Variants in APP observed in about 807,000 individuals in gnomAD.
The protein encoded by APP is amyloid-beta precursor protein.
Under a neutral mutation model 101.4 loss-of-function variants are expected in APP, and 31 were observed. The ratio of observed to expected loss-of-function variants is 0.31; its 90% CI spans 0.23 to 0.41. APP has a LOEUF of 0.41. Ranked by LOEUF, APP falls within the 10% of genes least tolerant of loss-of-function variation. The probability of loss-of-function intolerance (pLI) is 1.00; values close to 1 mark genes in which losing one functional copy is unlikely to be tolerated. For missense variants in APP, 839 were observed against 1,003.7 expected, an observed-to-expected ratio of 0.84 and a Z score of 2.22; for synonymous variants, 366 against 364.4, an observed-to-expected ratio of 1.00 and a Z score of -0.05.
At chr21:26,051,876 T>C (rs1409556107) in intron 4 of APP, among the ~76,000 whole-genome samples, 1 of 152,206 alleles carries the variant, frequency 6.6e-6, no homozygotes, top group African/African-American at 2.4e-5. Context: ...AATGAAAATA[T>C]TACAGACTGT....
chr21:26,048,688 A>G (rs1362610439), intron 5 of APP, among the ~76,000 whole-genome samples: 1 of 152,232 alleles, frequency 6.6e-6, no homozygotes, highest in Non-Finnish European at 1.5e-5. Context: ...GACTACAATT[A>G]ATTGGAAGAT....
chr21:25,956,889 C>T (rs2041346059), intron 11 of APP, among the ~76,000 whole-genome samples: 1 of 152,114 alleles, frequency 6.6e-6, no homozygotes, highest in African/African-American at 2.4e-5. Context: ...TGTGCAAATC[C>T]CCATTAATGT....
At chr21:25,941,216 T>G (rs2040563443) in intron 13 of APP, 1 of 152,120 alleles carries the variant, frequency 6.6e-6, no homozygotes, top group Non-Finnish European at 1.5e-5. Flanking sequence ...AATAAATGCA[T>G]CCAGGGCTAT....
intron 11 of APP, among the ~76,000 whole-genome samples, chr21:25,971,244 C>T (rs1055623363): frequency 3.4e-4 from 48 of 140,952 alleles, no homozygotes; most frequent in African/African-American, 1.3e-3. Flanking sequence ...AGACGGGGTT[C>T]ACCATGTTGG....
rs537417600 is a variant in APP, at chr21:25,988,702, C to CAAAAAAAAAAAAAAAA, written c.1091-6241_1091-6226dup. ...GGGTGATAACAGCGAAACTCTGTCT[C>CAAAAAAAAAAAAAAAA]AAAAAAAAAAAAAAAAAAAAAGGAG... On this transcript the variant is annotated intron_variant, in intron 8 of 17. Transcript: ENST00000346798. Among the ~76,000 whole-genome samples the CAAAAAAAAAAAAAAAA allele has an allele frequency of 5.0e-4, 31 of 62,358 alleles. 1 individual carries two copies. The highest frequency in any genetic ancestry group is 2.2e-3 in the East Asian group (4 of 1,860). 40.9% of individuals were successfully genotyped at this position (62,358 alleles called of 152,430 possible).
intron 5 of APP, among the ~76,000 whole-genome samples, chr21:26,033,614 TGAG>T (rs1009931578): frequency 2.0e-5 from 3 of 152,156 alleles, no homozygotes; most frequent in Non-Finnish European, 4.4e-5. Context: ...TTTCACAGGC[TGAG>T]GAGTCTGGAC....
At chr21:25,940,516 C>T (rs1215190598) in intron 13 of APP, among the ~76,000 whole-genome samples, 2 of 152,118 alleles carry the variant, frequency 1.3e-5, no homozygotes, top group Non-Finnish European at 2.9e-5. Flanking sequence ...TAAAAAATTA[C>T]ATTTTCATTG....
rs142786036 is a variant in APP at position 26,120,201 on chromosome 21, T to C, written c.58-8055A>G. ...AAAGAAATTAACACAGTCATGTATTTGATAGGAATAACTAAAATACTAAGT... is the reference window on the plus strand; with the variant it reads ...AAAGAAATTAACACAGTCATGTATTCGATAGGAATAACTAAAATACTAAGT... On this transcript the variant is annotated intron_variant, in intron 1 of 17. Coordinates refer to ENST00000346798, the MANE Select transcript of APP (RefSeq NM_000484.4). Among the ~76,000 whole-genome samples the C allele has an allele frequency of 2.1e-3, 314 of 152,332 alleles. 1 individual carries two copies. Among genetic ancestry groups the C allele is most frequent in the Non-Finnish European group, 3.4e-3 (229 of 68,032 alleles).
chr21:26,035,864 G>C (rs540699383), intron 5 of APP, among the ~76,000 whole-genome samples: 3 of 152,188 alleles, frequency 2.0e-5, no homozygotes, highest in Non-Finnish European at 4.4e-5. Flanking sequence ...GATAAATCCA[G>C]AATTCATAGG....
At chr21:26,146,246 G>C (rs1360486896) in intron 1 of APP, among the ~76,000 whole-genome samples, 1 of 152,216 alleles carries the variant, frequency 6.6e-6, no homozygotes, top group Non-Finnish European at 1.5e-5. Flanking sequence ...TGAGGCAGGA[G>C]AATCACTTGA....
chr21:25,903,827 C>T (rs1039965699), intron 15 of APP, among the ~76,000 whole-genome samples: 5 of 152,352 alleles, frequency 3.3e-5, no homozygotes, highest in East Asian at 1.9e-4. Flanking sequence ...CATAAATCAA[C>T]GAGACCAGCT....
intron 17 of APP, among the ~76,000 whole-genome samples, chr21:25,891,329 G>T (rs561377183): frequency 1.3e-5 from 2 of 151,780 alleles, no homozygotes; most frequent in South Asian, 4.2e-4. Context: ...GAATAAACAT[G>T]TTTAGTTTTT....
chr21:25,926,287 G>A (rs1401738553), intron 13 of APP, among the ~76,000 whole-genome samples: 4 of 152,150 alleles, frequency 2.6e-5, no homozygotes, highest in African/African-American at 7.2e-5. Context: ...TTTAGCAGAC[G>A]GGCCTTCACT....
chr21:26,067,738 T>G (rs2046512455), intron 3 of APP, among the ~76,000 whole-genome samples: 1 of 152,204 alleles, frequency 6.6e-6, no homozygotes, highest in Admixed American at 6.5e-5. Flanking sequence ...GAAATTAATT[T>G]AAGGTTTCCT....
In APP at chr21:26,006,853, A is replaced by G. The variant is rs144558564; in HGVS notation, c.866-6671T>C. Among the ~76,000 whole-genome samples, 460 of 152,324 alleles carry G rather than the reference A, an allele frequency of 3.0e-3. 6 individuals are homozygous for G. Among genetic ancestry groups the G allele is most frequent in the African/African-American group, 0.011 (439 of 41,590 alleles). On this transcript the variant is annotated intron_variant, in intron 6 of 17. Coordinates refer to ENST00000346798, the MANE Select transcript of APP (RefSeq NM_000484.4). ...ATTCGCTGTAAATAAAGTGGTAAAT[A>G]AAGAATAAAGCTGGTTTTAGAATAA...
chr21:25,895,630 AAACT>A (rs1165740791), intron 16 of APP, among the ~76,000 whole-genome samples: 1 of 152,246 alleles, frequency 6.6e-6, no homozygotes, highest in Non-Finnish European at 1.5e-5. Flanking sequence ...TTCTAAGCTG[AAACT>A]AACATACTAG....
chr21:25,942,756 TA>T (rs2040630139), intron 13 of APP: 1 of 152,216 alleles, frequency 6.6e-6, no homozygotes, highest in South Asian at 2.1e-4. Context: ...AATATACATA[TA>T]TATATCCTAT....
intron 13 of APP, 113 bp downstream of exon 13, chr21:25,954,477 G>A (rs908162529): frequency 6.3e-6 from 6 of 952,164 alleles, no homozygotes; most frequent in African/African-American, 1.6e-5. Context: ...CATCGTAAAA[G>A]GCAAGCTGTT....
rs1221826817 is a variant in APP at position 26,146,475 on chromosome 21, T to G, written c.57+24089A>C. Among the ~76,000 whole-genome samples the G allele has an allele frequency of 2.0e-5, 3 of 152,218 alleles. No individual in the cohort carries two copies. The East Asian group carries it at 5.8e-4, about 29-fold the overall frequency. On this transcript the variant is annotated intron_variant, in intron 1 of 17. Coordinates refer to ENST00000346798, the MANE Select transcript of APP (RefSeq NM_000484.4). ...CATATCTTCATAGGTTTATTGGCTG[T>G]GTATTTTTTCCTGTGTACTATAAAA...
Sources: allele counts gnomAD v4.1 joint callset (sites outside exome capture counted in the v4.1 genomes callset), GRCh38; gene constraint gnomAD v4.1.1; transcripts MANE v1.5; gene names NCBI Gene and HGNC (gene_info 2026-07-23, HGNC 2026-07-21).